The following UNC79 variants were observed in gnomAD, a reference collection of about 807,000 sequenced individuals.
UNC79 encodes unc-79 subunit of NALCN channel complex, also known as protein unc-79 homolog.
Under a neutral mutation model 283.1 loss-of-function variants are expected in UNC79, and 37 were observed. The ratio of observed to expected loss-of-function variants is 0.13; its 90% CI spans 0.10 to 0.17. The LOEUF is 0.17. Ranked by LOEUF, UNC79 falls within the 10% of genes least tolerant of loss-of-function variation. The pLI is 1.00. For missense variants in UNC79, 2,272 were observed against 3,211.1 expected (o/e 0.71, Z 7.07); for synonymous variants, 1,107 against 1,200.2 (o/e 0.92, Z 1.61).
chr14:93,378,571 T>A (rs1007838161), intron 1 of UNC79, among the ~76,000 whole-genome samples: 3 of 152,228 alleles, frequency 2.0e-5, no homozygotes, highest in Admixed American at 6.5e-5. Flanking sequence ...AATTCATTTA[T>A]GTTTCATATG....
intron 1 of UNC79, among the ~76,000 whole-genome samples, chr14:93,381,241 G>GAAT (rs1178691412): frequency 6.6e-6 from 1 of 152,190 alleles, no homozygotes; most frequent in Non-Finnish European, 1.5e-5. Context: ...GCCTATAAAA[G>GAAT]AAATTAGAGA....
chr14:93,359,150 A>G (rs554493294), intron 1 of UNC79, among the ~76,000 whole-genome samples: 36 of 152,276 alleles, frequency 2.4e-4, no homozygotes, highest in Admixed American at 7.2e-4. Flanking sequence ...AAAAGGTTCT[A>G]ATAGTTTATT....
intron 2 of UNC79, among the ~76,000 whole-genome samples, chr14:93,473,509 G>T (rs1322678358): frequency 6.6e-6 from 1 of 152,110 alleles, no homozygotes; most frequent in East Asian, 1.9e-4. Context: ...CTGACAGAAT[G>T]TCATGAAACA....
rs547874707 is a variant in UNC79, at chr14:93,661,616, G to T, written c.6526-988G>T. ...ATACCTTTATGGTCTTAGGCAAATTGCTTGTCTACTTAACTGCCTAAGCTG... is the reference window on the plus strand; with the variant it reads ...ATACCTTTATGGTCTTAGGCAAATTTCTTGTCTACTTAACTGCCTAAGCTG... On this transcript the variant is annotated intron_variant, in intron 39 of 48. Transcript: ENST00000555664. 2.0e-5 allele frequency among the ~76,000 whole-genome samples: 3 copies of T among 152,328 alleles called. No individual in the cohort carries two copies. The South Asian group carries it at 6.2e-4, about 32-fold the overall frequency.
chr14:93,681,486 C>G (rs993028478), intron 41 of UNC79, among the ~76,000 whole-genome samples: 8 of 152,216 alleles, frequency 5.3e-5, no homozygotes, highest in African/African-American at 1.9e-4. Context: ...TGTTCCATGC[C>G]TCCTTATCAG....
At chr14:93,466,805 T>C in intron 1 of UNC79, 2 of 974,668 alleles carry the variant, frequency 2.1e-6, no homozygotes, top group Non-Finnish European at 2.4e-6. Context: ...TCATGGCTCC[T>C]TGGGATTTGC....
At chr14:93,657,991 C>T (rs546693207) in intron 38 of UNC79, among the ~76,000 whole-genome samples, 2 of 152,190 alleles carry the variant, frequency 1.3e-5, no homozygotes, top group South Asian at 4.2e-4. Flanking sequence ...CTATGGGGGC[C>T]TGATGAGCAG....
chr14:93,621,081 TGTACTC>T lies in UNC79; in HGVS notation c.4388-539_4388-534del, dbSNP rs1354858159. On this transcript the variant is annotated intron_variant, in intron 29 of 48. Coordinates refer to ENST00000555664, the Ensembl canonical transcript of UNC79. This position sits in a 1 kb window ranked among gnomAD's most constrained non-coding sequence, Gnocchi z 4.8. ...TCTTAGTAATTTTATGCAGAAATGT[TGTACTC>T]TACCGTTTGTTTGGGGTGAAATCTT... The T allele has an allele frequency of 2.0e-6, 1 of 487,840 alleles. No homozygotes were observed. The highest frequency in any genetic ancestry group is 5.5e-5 in the East Asian group (1 of 18,024). 30.2% of individuals were successfully genotyped at this position (487,840 alleles called of 1,614,324 possible).
intron 14 of UNC79, among the ~76,000 whole-genome samples, chr14:93,568,052 T>G (rs1203559947): frequency 6.6e-6 from 1 of 152,210 alleles, no homozygotes; most frequent in African/African-American, 2.4e-5. Flanking sequence ...TATCTCAGTG[T>G]GGCAGAGGGA....
At chr14:93,372,296 C>T (rs2054468633) in intron 1 of UNC79, among the ~76,000 whole-genome samples, 1 of 152,066 alleles carries the variant, frequency 6.6e-6, no homozygotes, top group Non-Finnish European at 1.5e-5. Context: ...GATTATATTA[C>T]ATACAGTAAC....
At chr14:93,471,172 A>G (rs1485375583) in intron 2 of UNC79, among the ~76,000 whole-genome samples, 2 of 152,240 alleles carry the variant, frequency 1.3e-5, no homozygotes, top group African/African-American at 4.8e-5. Context: ...ATATATGTAT[A>G]TATCCTCCAT....
chr14:93,347,220 T>C, intron 1 of UNC79: 1 of 1,530,182 alleles, frequency 6.5e-7, no homozygotes, highest in East Asian at 2.4e-5. Context: ...TTACTTGGCC[T>C]CACCTCACCT....
chr14:93,366,277 TTAAC>T (rs1236703075), intron 1 of UNC79, among the ~76,000 whole-genome samples: 5 of 152,172 alleles, frequency 3.3e-5, no homozygotes, highest in African/African-American at 9.7e-5. Flanking sequence ...AATTTATGAT[TTAAC>T]TAACTAAGGA....
At chr14:93,613,115 C>G (rs748035798) in intron 27 of UNC79, 32 bp downstream of exon 28, 2 of 1,609,650 alleles carry the variant, frequency 1.2e-6, no homozygotes, top group Non-Finnish European at 8.5e-7. Flanking sequence ...AGAAGTCACA[C>G]CTTTATACTT....
At chr14:93,571,281 T>A (rs929345039) in intron 14 of UNC79, among the ~76,000 whole-genome samples, 3 of 152,246 alleles carry the variant, frequency 2.0e-5, no homozygotes, top group African/African-American at 7.2e-5. Context: ...GTTTGTAAAT[T>A]CGTGATTTTA....
At chr14:93,457,535 T>G (rs1348688745) in intron 1 of UNC79, among the ~76,000 whole-genome samples, 1 of 152,158 alleles carries the variant, frequency 6.6e-6, no homozygotes, top group Non-Finnish European at 1.5e-5. Flanking sequence ...AACAGGATCA[T>G]GAGTTAGAGT....
chr14:93,641,362 T>C, intron 33 of UNC79, 115 bp downstream of exon 36: 1 of 956,266 alleles, frequency 1.0e-6, no homozygotes, highest in Non-Finnish European at 1.6e-6. Flanking sequence ...AATTTGTTCC[T>C]CCAGTATATT....
Position 93,559,011 on chromosome 14 carries a change from A to G in UNC79, c.1756-12883A>G, listed in dbSNP as rs201160688. Among the ~76,000 whole-genome samples, 22 of 152,330 alleles carry G rather than the reference A, an allele frequency of 1.4e-4. No individual in the cohort carries two copies. The East Asian group carries it at 2.7e-3, about 19-fold the overall frequency. ...CTGCCAATTCTCTCCTCTCAAAGAC[A>G]GCACTGATAAAAGAAAAACTTCAGC... On this transcript the variant is annotated intron_variant, in intron 14 of 48. Coordinates refer to ENST00000555664, the Ensembl canonical transcript of UNC79.
At chr14:93,351,055 T>C (rs1466839195) in intron 1 of UNC79, among the ~76,000 whole-genome samples, 5 of 150,250 alleles carry the variant, frequency 3.3e-5, no homozygotes, top group Non-Finnish European at 5.9e-5. Flanking sequence ...ATTAAATTCA[T>C]GTACTCTTTT....
Sources: allele counts gnomAD v4.1 joint callset (sites outside exome capture counted in the v4.1 genomes callset), GRCh38; gene constraint gnomAD v4.1.1; non-coding constraint Gnocchi (gnomAD v3.1); transcripts MANE v1.5; gene names NCBI Gene and HGNC (gene_info 2026-07-23, HGNC 2026-07-21).